ASIC2: variants seen among roughly 807,000 people sequenced by gnomAD.
ASIC2 encodes acid-sensing ion channel 2.
In ASIC2, 25 loss-of-function variants were observed where a neutral mutation model predicts 57.3. The ratio of observed to expected loss-of-function variants is 0.44; its 90% CI spans 0.32 to 0.61. The LOEUF is 0.61. Ranked by LOEUF, ASIC2 falls within the 20% of genes least tolerant of loss-of-function variation. The probability of loss-of-function intolerance (pLI) is 0.06; values close to 1 mark genes in which losing one functional copy is unlikely to be tolerated. For missense variants in ASIC2, 641 were observed against 738.1 expected (o/e 0.87, Z 1.52); for synonymous variants, 319 against 307.5 (o/e 1.04, Z -0.39).
intron 1 of ASIC2, among the ~76,000 whole-genome samples, chr17:33,928,745 C>T (rs1375614889): frequency 3.3e-5 from 5 of 151,970 alleles, no homozygotes; most frequent in Admixed American, 2.0e-4. Context: ...AGGGAGTCAG[C>T]GGGTGCCAGC....
At chr17:33,373,308 T>G (rs557497867) in intron 1 of ASIC2, among the ~76,000 whole-genome samples, 8 of 152,386 alleles carry the variant, frequency 5.2e-5, no homozygotes, top group African/African-American at 1.9e-4. Context: ...TCTGACATAG[T>G]TGATTCCATC....
intron 1 of ASIC2, among the ~76,000 whole-genome samples, chr17:34,099,678 AAG>A (rs1368483085): frequency 6.0e-5 from 9 of 149,554 alleles, no homozygotes; most frequent in Non-Finnish European, 1.3e-4. Flanking sequence ...GAAAGAAAGA[AAG>A]AAAAGAAAGA....
At chr17:33,576,937 T>G (rs1916642002) in intron 1 of ASIC2, among the ~76,000 whole-genome samples, 1 of 152,172 alleles carries the variant, frequency 6.6e-6, no homozygotes, top group Admixed American at 6.6e-5. Flanking sequence ...GTTGTAAGGG[T>G]TATATGCATT....
chr17:33,906,786 G>A (rs1359538695), intron 1 of ASIC2, among the ~76,000 whole-genome samples: 1 of 152,148 alleles, frequency 6.6e-6, no homozygotes, highest in East Asian at 1.9e-4. Context: ...TGTGGCTTTG[G>A]CATCAAGACC....
At chr17:33,366,423 C>T (rs183846441) in intron 1 of ASIC2, among the ~76,000 whole-genome samples, 1 of 152,302 alleles carries the variant, frequency 6.6e-6, no homozygotes. Context: ...TTTCCCATGC[C>T]TTGCCTTGGT....
In ASIC2 at chr17:33,151,860, T is replaced by C. The variant is rs146515143; in HGVS notation, c.709-39793A>G. The stretch of plus-strand genomic sequence containing the variant: ...TTATTAATTACCAGGTATTCTGTTA[T>C]AGCAGCACAAAATGGGCTAAGACAC... On this transcript the variant is annotated intron_variant, in intron 1 of 9. Coordinates refer to ENST00000225823, the MANE Select transcript of ASIC2 (RefSeq NM_183377.2). 3.2e-3 allele frequency among the ~76,000 whole-genome samples: 488 copies of C among 152,370 alleles called. 4 individuals are homozygous for C. The highest frequency in any genetic ancestry group is 0.011 in the African/African-American group (467 of 41,594).
intron 1 of ASIC2, among the ~76,000 whole-genome samples, chr17:33,273,322 C>T (rs936943291): frequency 2.0e-5 from 3 of 152,154 alleles, no homozygotes; most frequent in South Asian, 2.1e-4. Context: ...CATGACTTAT[C>T]GAAGATGAAT....
rs1911617563 is a variant in ASIC2 at position 34,121,449 on chromosome 17, A to T, written c.555+34529T>A. Among the ~76,000 whole-genome samples, 5 of 151,992 alleles carry T rather than the reference A, an allele frequency of 3.3e-5. No individual in the cohort carries two copies. The South Asian group carries it at 1.0e-3, about 32-fold the overall frequency. ...CTCTCCCATCTGCCTTCTCTGACCC[A>T]TTTCCACCATCACACCCTTAGTTCA... On this transcript the variant is annotated intron_variant, in intron 1 of 9. Coordinates refer to the ASIC2 transcript ENST00000359872.
At chr17:34,044,942 A>G (rs112857115) in intron 1 of ASIC2, among the ~76,000 whole-genome samples, 5 of 152,234 alleles carry the variant, frequency 3.3e-5, no homozygotes, top group African/African-American at 1.2e-4. Context: ...TAAGTGTCCA[A>G]AGATGAACAA....
intron 1 of ASIC2, among the ~76,000 whole-genome samples, chr17:33,450,175 T>C (rs1329305864): frequency 6.6e-6 from 1 of 152,248 alleles, no homozygotes; most frequent in East Asian, 1.9e-4. Flanking sequence ...CAAGTAACTA[T>C]GTACCTGTTT....
intron 1 of ASIC2, chr17:33,634,850 G>C (rs1337333441): frequency 6.6e-6 from 1 of 152,088 alleles, no homozygotes; most frequent in African/African-American, 2.4e-5. Flanking sequence ...ACTGCGCCCG[G>C]ACGAGAGAAC....
At chr17:33,874,304 G>C (rs1038730668) in intron 1 of ASIC2, among the ~76,000 whole-genome samples, 1 of 152,132 alleles carries the variant, frequency 6.6e-6, no homozygotes, top group African/African-American at 2.4e-5. Context: ...TTCAACTAGG[G>C]CTGCCGGATA....
intron 1 of ASIC2, among the ~76,000 whole-genome samples, chr17:33,845,197 T>C (rs191764286): frequency 1.2e-4 from 18 of 152,366 alleles, no homozygotes; most frequent in Non-Finnish European, 2.2e-4. Flanking sequence ...TATTGATACC[T>C]AATTCTATCA....
chr17:33,103,719 G>A (rs1200821124), intron 2 of ASIC2, among the ~76,000 whole-genome samples: 1 of 152,100 alleles, frequency 6.6e-6, no homozygotes, highest in African/African-American at 2.4e-5. Flanking sequence ...GCTCAGGTGT[G>A]GGTGGGGTAA....
chr17:33,955,634 C>T (rs1476622768), intron 1 of ASIC2: 1 of 152,360 alleles, frequency 6.6e-6, no homozygotes, highest in African/African-American at 2.4e-5. Flanking sequence ...TGGCAGGCAC[C>T]TTCTTCTCAG....
intron 1 of ASIC2, among the ~76,000 whole-genome samples, chr17:33,582,954 C>T (rs1166117442): frequency 1.3e-5 from 2 of 152,172 alleles, no homozygotes; most frequent in Non-Finnish European, 2.9e-5. Context: ...TGGAATTCAT[C>T]AGCAAATAAC....
At chr17:33,568,580 G>A (rs1312083584) in intron 1 of ASIC2, among the ~76,000 whole-genome samples, 2 of 152,142 alleles carry the variant, frequency 1.3e-5, no homozygotes, top group South Asian at 2.1e-4. Flanking sequence ...CACCATTCAC[G>A]ACCCTCGAGC....
At chr17:33,541,869 T>C (rs1439097645) in intron 1 of ASIC2, among the ~76,000 whole-genome samples, 5 of 152,166 alleles carry the variant, frequency 3.3e-5, no homozygotes, top group Non-Finnish European at 2.9e-5. Flanking sequence ...CTTGGTCTAG[T>C]GCAGGGTTAA....
At chr17:33,818,294 G>A (rs1393876456) in intron 1 of ASIC2, among the ~76,000 whole-genome samples, 2 of 152,148 alleles carry the variant, frequency 1.3e-5, no homozygotes, top group Non-Finnish European at 2.9e-5. Flanking sequence ...TTAAAGAAAT[G>A]CATCCTAAAC....
Sources: allele counts gnomAD v4.1 joint callset (sites outside exome capture counted in the v4.1 genomes callset), GRCh38; gene constraint gnomAD v4.1.1; transcripts MANE v1.5; gene names NCBI Gene and HGNC (gene_info 2026-07-23, HGNC 2026-07-21).